The following SHANK2 variants were observed in gnomAD, a reference collection of about 807,000 sequenced individuals.
The protein encoded by SHANK2 is SH3 and multiple ankyrin repeat domains 2, also known as SH3 and multiple ankyrin repeat domains protein 2.
In SHANK2, 43 loss-of-function variants were observed where a neutral mutation model predicts 133.7. That is an observed-to-expected ratio of 0.32 (90% CI 0.25 to 0.41). SHANK2 has a LOEUF of 0.41. SHANK2 is among the 10% of genes least tolerant of loss of function. The pLI is 1.00. For missense variants in SHANK2, 1,994 were observed against 2,235.8 expected (o/e 0.89, Z 2.18); for synonymous variants, 1,017 against 952.8 (o/e 1.07, Z -1.24).
At chr11:70,521,962 G>C (rs1435455706) in intron 17 of SHANK2, among the ~76,000 whole-genome samples, 3 of 152,208 alleles carry the variant, frequency 2.0e-5, no homozygotes, top group Non-Finnish European at 4.4e-5. Flanking sequence ...AAACAGCCAC[G>C]TGAGTCCTTG....
chr11:70,867,131 AAAAG>A (rs1464936525), intron 11 of SHANK2, among the ~76,000 whole-genome samples: 2 of 151,648 alleles, frequency 1.3e-5, no homozygotes, highest in African/African-American at 4.8e-5. Context: ...AAAAAAAAAA[AAAAG>A]AGAGAGAGAA....
intron 10 of SHANK2, among the ~76,000 whole-genome samples, chr11:70,932,100 G>C (rs2135804177): frequency 6.6e-6 from 1 of 152,252 alleles, no homozygotes; most frequent in East Asian, 1.9e-4. Flanking sequence ...TTTTCAAGCT[G>C]AAACTGTGAT....
intron 3 of SHANK2, among the ~76,000 whole-genome samples, chr11:71,142,098 G>A (rs1316263912): frequency 6.6e-6 from 1 of 152,056 alleles, no homozygotes; most frequent in Non-Finnish European, 1.5e-5. Flanking sequence ...AAAAGAAAGA[G>A]TGCAGGGCTA....
intron 17 of SHANK2, among the ~76,000 whole-genome samples, chr11:70,639,570 C>A (rs1425470496): frequency 6.6e-6 from 1 of 152,334 alleles, no homozygotes; most frequent in South Asian, 2.1e-4. Context: ...TCAGGTGACA[C>A]AGACCATCAC....
intron 1 of SHANK2, among the ~76,000 whole-genome samples, chr11:71,247,484 T>TTAA (rs1555125165): frequency 1.6e-4 from 23 of 145,960 alleles, no homozygotes; most frequent in African/African-American, 5.6e-4. Context: ...CTGTTTTTTT[T>TTAA]AAAAAAAACA....
chr11:70,582,637 A>G (rs1554985744), intron 17 of SHANK2, among the ~76,000 whole-genome samples: 1 of 152,220 alleles, frequency 6.6e-6, no homozygotes, highest in East Asian at 1.9e-4. Flanking sequence ...GTGGGCACCC[A>G]GTCGGGTGTG....
At chr11:71,152,858 C>G (rs557217784) in intron 2 of SHANK2, among the ~76,000 whole-genome samples, 136 of 152,274 alleles carry the variant, frequency 8.9e-4, no homozygotes, top group Non-Finnish European at 1.6e-3. Flanking sequence ...CTGGGAACAG[C>G]AGACACCTGA....
At chr11:71,104,482 C>T (rs1308133799) in intron 6 of SHANK2, among the ~76,000 whole-genome samples, 4 of 152,216 alleles carry the variant, frequency 2.6e-5, no homozygotes, top group Non-Finnish European at 5.9e-5. Flanking sequence ...TCTGCCTTGA[C>T]AGAAGCAAAG....
At chr11:71,210,248 A>ATATATATATATT (rs1954241057) in intron 2 of SHANK2, among the ~76,000 whole-genome samples, 1 of 101,292 alleles carries the variant, frequency 9.9e-6, no homozygotes, top group Admixed American at 1.0e-4. Flanking sequence ...ATATATATAT[A>ATATATATATATT]TATATTTATT....
At chr11:70,924,332 G>A (rs1555081170) in intron 10 of SHANK2, among the ~76,000 whole-genome samples, 3 of 68,768 alleles carry the variant, frequency 4.4e-5, no homozygotes, top group African/African-American at 1.8e-4. Context: ...AGTCTCACCT[G>A]GGACACGCTG....
chr11:71,205,766 C>G (rs147084998), intron 2 of SHANK2, among the ~76,000 whole-genome samples: 10 of 152,278 alleles, frequency 6.6e-5, no homozygotes, highest in Non-Finnish European at 1.5e-4. Context: ...TGTTATTTAT[C>G]CACTTGTTGG....
chr11:70,790,174 A>T (rs1170208885), intron 14 of SHANK2, among the ~76,000 whole-genome samples: 4 of 152,248 alleles, frequency 2.6e-5, no homozygotes, highest in Non-Finnish European at 5.9e-5. Context: ...AGGAGGAAGG[A>T]TCAAGTGATT....
rs1274427194 is a variant in SHANK2 at position 71,062,101 on chromosome 11, G to A, written c.1030-5543C>T. On this transcript the variant is annotated intron_variant, in intron 9 of 25. Coordinates refer to ENST00000601538, the MANE Select transcript of SHANK2 (RefSeq NM_012309.5). ...CTCTCAAGTAGCTAGGATTACAGGC[G>A]CACGCCACCATGCCGGGCTAATTTT... 5.4e-5 allele frequency among the ~76,000 whole-genome samples: 8 copies of A among 149,192 alleles called. No homozygotes were observed. The East Asian group carries it at 6.1e-4, about 11-fold the overall frequency.
chr11:71,119,959 G>A (rs116653913), intron 3 of SHANK2, among the ~76,000 whole-genome samples: 1,714 of 152,186 alleles, frequency 0.011, 36 homozygotes, highest in African/African-American at 0.039. Context: ...TACTACCTAC[G>A]CTGACTCTGA....
intron 17 of SHANK2, among the ~76,000 whole-genome samples, chr11:70,537,830 C>G (rs2059565213): frequency 6.6e-6 from 1 of 152,228 alleles, no homozygotes; most frequent in Admixed American, 6.5e-5. Context: ...CGGGGCCAGG[C>G]CTGGTGTAGC....
At chr11:70,948,529 TG>T (rs1165969020) in intron 10 of SHANK2, among the ~76,000 whole-genome samples, 2 of 152,260 alleles carry the variant, frequency 1.3e-5, no homozygotes, top group Admixed American at 1.3e-4. Flanking sequence ...CCTGTTTCTA[TG>T]GGAACACAGA....
intron 10 of SHANK2, among the ~76,000 whole-genome samples, chr11:70,897,002 A>C (rs538835034): frequency 6.6e-6 from 1 of 152,256 alleles, no homozygotes; most frequent in South Asian, 2.1e-4. Flanking sequence ...AGAAGGGGAA[A>C]CCTCAAAAAA....
rs1427645273 is a variant in SHANK2, at chr11:70,471,468, C to T, written c.*1401G>A. The T allele has an allele frequency of 2.5e-5, 10 of 398,564 alleles. No homozygotes were observed. The South Asian group carries it at 5.1e-4, about 20-fold the overall frequency. The allele number at this position is 398,564 out of a possible 1,614,324, so 24.7% of individuals were successfully genotyped here. A position where few individuals can be genotyped will look rare whatever the true frequency, so the allele number is the denominator to read the frequency against. ...GTATTGTTATGGGGTGGAGGGACTCCGGGGAAAGAAAGGGGCGGGGCTCAA... is the reference window on the plus strand; with the variant it reads ...GTATTGTTATGGGGTGGAGGGACTCTGGGGAAAGAAAGGGGCGGGGCTCAA... On this transcript the variant is annotated 3_prime_UTR_variant, in exon 26 of 26. Coordinates refer to ENST00000601538, the MANE Select transcript of SHANK2 (RefSeq NM_012309.5). The surrounding 1 kb of genome is among the most constrained non-coding windows in gnomAD (Gnocchi z 4.1).
At chr11:71,101,913 C>G (rs1354243412) in intron 6 of SHANK2, among the ~76,000 whole-genome samples, 1 of 152,174 alleles carries the variant, frequency 6.6e-6, no homozygotes, top group South Asian at 2.1e-4. Context: ...TACACCCCGA[C>G]CCTGGAAACA....
Sources: allele counts gnomAD v4.1 joint callset (sites outside exome capture counted in the v4.1 genomes callset), GRCh38; gene constraint gnomAD v4.1.1; non-coding constraint Gnocchi (gnomAD v3.1); transcripts MANE v1.5; gene names NCBI Gene and HGNC (gene_info 2026-07-23, HGNC 2026-07-21).